Variants in RADIL observed in about 807,000 individuals in gnomAD.
RADIL encodes Rap associating with DIL domain.
RADIL carries 99 observed loss-of-function variants against 97.6 expected under a neutral mutation model. That is an observed-to-expected ratio of 1.01 (90% confidence interval 0.86 to 1.20). The LOEUF is 1.20. Among genes scored for constraint, RADIL ranks in the 50% most tolerant of loss-of-function variants. RADIL has a pLI of 0.00. For missense variants in RADIL, 1,765 were observed against 1,498.9 expected, an observed-to-expected ratio of 1.18 and a Z score of -2.93; for synonymous variants, 803 against 691.8, an observed-to-expected ratio of 1.16 and a Z score of -2.52.
chr7:4,803,238 G>A (rs1278076444), intron 11 of RADIL, among the ~76,000 whole-genome samples: 1 of 91,780 alleles, frequency 1.1e-5, no homozygotes, highest in Non-Finnish European at 2.0e-5. Flanking sequence ...CCCCTCCCCG[G>A]GCACCTCAGG....
At chr7:4,871,672 C>A (rs1033813088) in intron 2 of RADIL, among the ~76,000 whole-genome samples, 1 of 152,216 alleles carries the variant, frequency 6.6e-6, no homozygotes, top group African/African-American at 2.4e-5. Flanking sequence ...ATCCCCACAC[C>A]ACCCTCCCAC....
At chr7:4,861,013 C>G (rs112213840) in intron 2 of RADIL, 1 of 1,614,096 alleles carries the variant, frequency 6.2e-7, no homozygotes, top group Admixed American at 1.7e-5. Flanking sequence ...CAAGAGTTGA[C>G]GCTACTGCAT....
chr7:4,815,467 G>A lies in RADIL; in HGVS notation c.1967-17C>T. 1 of 1,488,072 alleles carries A rather than the reference G, an allele frequency of 6.7e-7. No homozygotes were observed. Among genetic ancestry groups the A allele is most frequent in the Non-Finnish European group, 9.0e-7 (1 of 1,115,978 alleles). The allele number at this position is 1,488,072 out of a possible 1,614,324, so 92.2% of individuals were successfully genotyped here. A position where few individuals can be genotyped will look rare whatever the true frequency, so the allele number is the denominator to read the frequency against. ...GGGAGGGGCCTGTGGAGGGAAGAAG[G>A]GAGGGTGATGCCTGGGCTGCCCTCC... On this transcript the variant is annotated splice_polypyrimidine_tract_variant and intron_variant, in intron 8 of 14. Transcript: ENST00000399583. The surrounding 1 kb of genome is among the most constrained non-coding windows in gnomAD (Gnocchi z 8.0).
In RADIL at chr7:4,815,671, G is replaced by A. The variant is rs1163357994; in HGVS notation, c.1967-221C>T. ...TGGGAGGTGAACGTAGCAGGGCAGG[G>A]TGGGCTGTGACTGCCGCTGACTCCA... On this transcript the variant is annotated intron_variant, in intron 8 of 14. Coordinates refer to ENST00000399583, the MANE Select transcript of RADIL (RefSeq NM_018059.5). This position sits in a 1 kb window ranked among gnomAD's most constrained non-coding sequence, Gnocchi z 8.0. Among the ~76,000 whole-genome samples, 7 of 152,172 alleles carry A rather than the reference G, an allele frequency of 4.6e-5. No homozygotes were observed. Among genetic ancestry groups the A allele is most frequent in the African/African-American group, 1.7e-4 (7 of 41,442 alleles).
chr7:4,866,896 T>C (rs77046672), intron 2 of RADIL, among the ~76,000 whole-genome samples: 4,264 of 151,958 alleles, frequency 0.028, 177 homozygotes, highest in African/African-American at 0.095. Context: ...AGTAAATGAG[T>C]TCTCGTTCTG....
chr7:4,809,539 C>G, intron 9 of RADIL: 1 of 985,410 alleles, frequency 1.0e-6, no homozygotes. Context: ...TGCTCGGGAG[C>G]CCCCAGGCCC....
At position 4,867,826 on chromosome 7, in the gene RADIL, A is replaced by G. The variant is rs185198482; in HGVS notation, c.535+9779T>C. On this transcript the variant is annotated intron_variant, in intron 2 of 14. Coordinates refer to ENST00000399583, the MANE Select transcript of RADIL (RefSeq NM_018059.5). The surrounding 1 kb of genome is among the most constrained non-coding windows in gnomAD (Gnocchi z 4.1). ...ACACTAGAGTGGGTTCCCAAGGACA[A>G]TGACAATGAAAAAAGAAAATGATCC... Among the ~76,000 whole-genome samples, 3 of 152,314 alleles carry G rather than the reference A, an allele frequency of 2.0e-5. No homozygotes were observed. The highest frequency in any genetic ancestry group is 1.9e-4 in the East Asian group (1 of 5,192).
intron 1 of RADIL, among the ~76,000 whole-genome samples, chr7:4,881,414 CAAAAAAAAAAA>C (rs58871429): frequency 1.2e-5 from 1 of 82,292 alleles, no homozygotes; most frequent in African/African-American, 5.3e-5. Flanking sequence ...GACTCCCTCT[CAAAAAAAAAAA>C]AAAAAAAAAG....
At chr7:4,838,418 G>T (rs368187905) in intron 2 of RADIL, among the ~76,000 whole-genome samples, 1 of 152,176 alleles carries the variant, frequency 6.6e-6, no homozygotes. Flanking sequence ...GGCAGGAAGG[G>T]TTGCTTCTCC....
At chr7:4,847,680 T>G (rs2115017099) in intron 2 of RADIL, among the ~76,000 whole-genome samples, 1 of 129,842 alleles carries the variant, frequency 7.7e-6, no homozygotes, top group African/African-American at 3.0e-5. Context: ...AAAATACTGA[T>G]GATACCTCTT....
rs1478984937 is a variant in RADIL, at chr7:4,854,396, A to G, written c.536-17791T>C. Among the ~76,000 whole-genome samples, 1 of 152,134 alleles carries G rather than the reference A, an allele frequency of 6.6e-6. No individual in the cohort carries two copies. The highest frequency in any genetic ancestry group is 1.5e-5 in the Non-Finnish European group (1 of 68,032). On this transcript the variant is annotated intron_variant, in intron 2 of 14. Coordinates refer to ENST00000399583, the MANE Select transcript of RADIL (RefSeq NM_018059.5). This position sits in a 1 kb window ranked among gnomAD's most constrained non-coding sequence, Gnocchi z 5.1. ...GTTTGGTTTTTGTCATTGTTGATAA[A>G]GAGGTTACCACTTTGGGCCGGGCGC... is the stretch of plus-strand genomic sequence containing the variant.
At chr7:4,816,064 C>A (rs1310558778) in intron 8 of RADIL, among the ~76,000 whole-genome samples, 164 bp downstream of exon 8, 3 of 152,124 alleles carry the variant, frequency 2.0e-5, no homozygotes, top group South Asian at 4.1e-4. Context: ...GCTGATCTGT[C>A]CCCCCTCACT....
At chr7:4,800,428 C>T in intron 12 of RADIL, 118 bp from the exon 13 acceptor site, 4 of 1,117,962 alleles carry the variant, frequency 3.6e-6, no homozygotes, top group Non-Finnish European at 4.8e-6. Context: ...CCTCCTGTGG[C>T]TCCCAGGAGA....
chr7:4,847,323 AAAC>A (rs55650504), intron 2 of RADIL, among the ~76,000 whole-genome samples: 4 of 152,092 alleles, frequency 2.6e-5, no homozygotes, highest in African/African-American at 9.7e-5. Context: ...CCGTCTCACC[AAAC>A]AACAACAACA....
chr7:4,876,457 C>G (rs891838991), intron 2 of RADIL, among the ~76,000 whole-genome samples: 7 of 152,024 alleles, frequency 4.6e-5, no homozygotes, highest in Non-Finnish European at 7.4e-5. Context: ...CCTGCCACCA[C>G]GCCCGGCTAA....
chr7:4,881,895 C>T (rs79238249), intron 1 of RADIL, among the ~76,000 whole-genome samples: 2 of 152,102 alleles, frequency 1.3e-5, no homozygotes, highest in African/African-American at 4.8e-5. Flanking sequence ...ACTGCTAGGT[C>T]TCCTCCCAGG....
chr7:4,836,302 C>G (rs1225713541), intron 3 of RADIL, 56 bp downstream of exon 3: 61 of 1,549,794 alleles, frequency 3.9e-5, no homozygotes, highest in Non-Finnish European at 4.8e-5. Flanking sequence ...CTTCTGAGTC[C>G]CGCCTGCTGT....
In RADIL at chr7:4,821,770, C is replaced by T. The variant is rs1023166049; in HGVS notation, c.1615+624G>A. 1.3e-5 allele frequency among the ~76,000 whole-genome samples: 2 copies of T among 152,042 alleles called. No homozygotes were observed. The highest frequency in any genetic ancestry group is 2.9e-5 in the Non-Finnish European group (2 of 68,028). On this transcript the variant is annotated intron_variant, in intron 6 of 14. Coordinates refer to ENST00000399583, the MANE Select transcript of RADIL (RefSeq NM_018059.5). This position sits in a 1 kb window ranked among gnomAD's most constrained non-coding sequence, Gnocchi z 5.2. ...ACTCGGGAGGCTGAGGCACGAGAAT[C>T]GCTTGAACCTGGGAGACGGAGCTTG...
chr7:4,832,763 AG>A (rs1451695375), intron 4 of RADIL, among the ~76,000 whole-genome samples: 34 of 142,700 alleles, frequency 2.4e-4, no homozygotes, highest in African/African-American at 7.7e-4. Flanking sequence ...AAAAAAAAAA[AG>A]AATTATTCTT....
Sources: gnomAD v4.1 joint callset for allele counts (sites outside exome capture counted in the v4.1 genomes callset) on GRCh38, gnomAD v4.1.1 for gene constraint, Gnocchi (gnomAD v3.1) non-coding constraint, MANE v1.5 for transcripts, NCBI Gene and HGNC (gene_info 2026-07-23, HGNC 2026-07-21) for gene names.